Variants in AGBL4 observed in about 807,000 individuals in gnomAD.
The protein encoded by AGBL4 is AGBL carboxypeptidase 4.
In AGBL4, 58 loss-of-function variants were observed where a neutral mutation model predicts 66.4. The ratio of observed to expected loss-of-function variants is 0.87; its 90% CI spans 0.71 to 1.09. The LOEUF is 1.09. Among genes scored for constraint, AGBL4 ranks in the 50% least tolerant of loss-of-function variants. The probability of loss-of-function intolerance (pLI) is 0.00; values close to 1 mark genes in which losing one functional copy is unlikely to be tolerated. For synonymous variants in AGBL4, 234 were observed against 222.9 expected, an observed-to-expected ratio of 1.05 and a Z score of -0.44; for missense variants, 579 against 631.0, an observed-to-expected ratio of 0.92 and a Z score of 0.88.
chr1:49,122,248 C>A (rs1488314960), intron 4 of AGBL4, among the ~76,000 whole-genome samples: 1 of 152,218 alleles, frequency 6.6e-6, no homozygotes, highest in Non-Finnish European at 1.5e-5. Context: ...TGAGATGAAC[C>A]AGGTACCTCA....
chr1:49,767,544 A>G (rs1002307254), intron 2 of AGBL4, among the ~76,000 whole-genome samples: 4 of 152,094 alleles, frequency 2.6e-5, no homozygotes, highest in Non-Finnish European at 5.9e-5. Context: ...TTGCATCTAG[A>G]GTATAAAATG....
chr1:48,593,792 A>G (rs1014004591), intron 9 of AGBL4, among the ~76,000 whole-genome samples: 2 of 152,162 alleles, frequency 1.3e-5, no homozygotes, highest in Non-Finnish European at 2.9e-5. Flanking sequence ...ATAAATTCCT[A>G]GAAGTGAAAT....
intron 2 of AGBL4, among the ~76,000 whole-genome samples, chr1:49,745,827 C>CAA (rs202109021): frequency 6.6e-6 from 1 of 150,722 alleles, no homozygotes; most frequent in Non-Finnish European, 1.5e-5. Flanking sequence ...TTGACAGAAG[C>CAA]AAAAAAAATC....
chr1:49,806,875 G>T (rs1015222050), intron 2 of AGBL4, among the ~76,000 whole-genome samples: 13 of 152,078 alleles, frequency 8.5e-5, no homozygotes, highest in Non-Finnish European at 1.8e-4. Context: ...ACCACCCCAG[G>T]TTCAGCTCCA....
chr1:49,018,953 A>T (rs1304610112), intron 5 of AGBL4, among the ~76,000 whole-genome samples: 1 of 152,150 alleles, frequency 6.6e-6, no homozygotes, highest in East Asian at 1.9e-4. Flanking sequence ...TCCTACATTG[A>T]CATCCCATCA....
At chr1:49,796,055 T>C (rs372763067) in intron 2 of AGBL4, among the ~76,000 whole-genome samples, 3 of 151,792 alleles carry the variant, frequency 2.0e-5, no homozygotes, top group African/African-American at 7.2e-5. Context: ...TCTTACACCA[T>C]AAAGAGCTCA....
At chr1:49,209,761 A>G (rs1648524146) in intron 4 of AGBL4, among the ~76,000 whole-genome samples, 1 of 152,114 alleles carries the variant, frequency 6.6e-6, no homozygotes, top group Non-Finnish European at 1.5e-5. Context: ...AACTTTACAT[A>G]GGTTTTCAGA....
At chr1:48,970,615 C>T (rs911512456) in intron 5 of AGBL4, among the ~76,000 whole-genome samples, 4 of 152,070 alleles carry the variant, frequency 2.6e-5, no homozygotes, top group African/African-American at 9.7e-5. Context: ...TGTATTTTGA[C>T]TTATTAAAAA....
At chr1:49,548,732 G>A (rs942390992) in intron 3 of AGBL4, among the ~76,000 whole-genome samples, 2 of 152,106 alleles carry the variant, frequency 1.3e-5, no homozygotes, top group African/African-American at 4.8e-5. Flanking sequence ...TCAGTCTGTA[G>A]TTTTCTTTTT....
intron 5 of AGBL4, among the ~76,000 whole-genome samples, chr1:49,015,014 T>C (rs1662707775): frequency 6.6e-6 from 1 of 152,204 alleles, no homozygotes; most frequent in Admixed American, 6.5e-5. Flanking sequence ...TTTTCCAGCC[T>C]ACAAAAAACT....
intron 3 of AGBL4, among the ~76,000 whole-genome samples, chr1:49,417,894 T>C (rs771683564): frequency 1.7e-4 from 26 of 152,270 alleles, no homozygotes; most frequent in Admixed American, 3.3e-4. Context: ...TGCATTTCAT[T>C]TTAATTTTCT....
chr1:49,520,574 T>C (rs1650176429), intron 3 of AGBL4, among the ~76,000 whole-genome samples: 1 of 152,016 alleles, frequency 6.6e-6, no homozygotes, highest in Non-Finnish European at 1.5e-5. Context: ...TACCCTACTT[T>C]GAATATCTTG....
chr1:48,858,519 A>G (rs906211686), intron 6 of AGBL4, among the ~76,000 whole-genome samples: 3 of 152,238 alleles, frequency 2.0e-5, no homozygotes, highest in African/African-American at 7.2e-5. Context: ...ATGCTGATAC[A>G]TGCTACAACA....
At chr1:49,790,938 T>C (rs982159510) in intron 2 of AGBL4, among the ~76,000 whole-genome samples, 1 of 152,180 alleles carries the variant, frequency 6.6e-6, no homozygotes, top group Non-Finnish European at 1.5e-5. Flanking sequence ...AATATTGACA[T>C]TGTAGTGAGC....
chr1:49,568,504 C>CAT (rs1644261264), intron 3 of AGBL4, among the ~76,000 whole-genome samples: 1 of 151,356 alleles, frequency 6.6e-6, no homozygotes. Context: ...CACACACACA[C>CAT]ACACACACAC....
chr1:49,649,083 G>A (rs1442258851), intron 3 of AGBL4, among the ~76,000 whole-genome samples: 3 of 152,104 alleles, frequency 2.0e-5, no homozygotes, highest in Non-Finnish European at 4.4e-5. Flanking sequence ...CAGTGGACAG[G>A]AGGGACAAAT....
intron 3 of AGBL4, among the ~76,000 whole-genome samples, chr1:49,441,019 G>A (rs2148668157): frequency 6.6e-6 from 1 of 152,160 alleles, no homozygotes; most frequent in South Asian, 2.1e-4. Flanking sequence ...GCTGCCTGAG[G>A]CAACAGTGAT....
intron 3 of AGBL4, among the ~76,000 whole-genome samples, chr1:49,632,679 C>A (rs1415994136): frequency 6.6e-6 from 1 of 152,156 alleles, no homozygotes; most frequent in African/African-American, 2.4e-5. Flanking sequence ...TGCACACAGG[C>A]TGTCTGGCTT....
intron 6 of AGBL4, among the ~76,000 whole-genome samples, chr1:48,856,443 TA>T (rs1427737190): frequency 6.6e-6 from 1 of 152,214 alleles, no homozygotes; most frequent in African/African-American, 2.4e-5. Flanking sequence ...AAGATGATTT[TA>T]AAGCTGTTTT....
Sources: gnomAD v4.1 joint callset for allele counts (sites outside exome capture counted in the v4.1 genomes callset) on GRCh38, gnomAD v4.1.1 for gene constraint, MANE v1.5 for transcripts, NCBI Gene and HGNC (gene_info 2026-07-23, HGNC 2026-07-21) for gene names.